Variants in GPC5 observed in about 807,000 individuals in gnomAD.
GPC5 encodes glypican-5.
GPC5 carries 47 observed loss-of-function variants against 53.9 expected under a neutral mutation model. That is an observed-to-expected ratio of 0.87 (90% confidence interval 0.69 to 1.11). The LOEUF (loss-of-function observed/expected upper bound fraction) is 1.11, where lower values mean the gene tolerates loss of function less well. Ranked by LOEUF, GPC5 falls within the 50% of genes most tolerant of loss-of-function variation. The pLI is 0.00. For synonymous variants in GPC5, 286 were observed against 263.3 expected, an observed-to-expected ratio of 1.09 and a Z score of -0.84; for missense variants, 748 against 713.1, an observed-to-expected ratio of 1.05 and a Z score of -0.56.
At chr13:92,200,931 G>A (rs757487662) in intron 7 of GPC5, among the ~76,000 whole-genome samples, 3 of 151,456 alleles carry the variant, frequency 2.0e-5, no homozygotes, top group African/African-American at 4.9e-5. Context: ...AGAATAAATT[G>A]GAGGAGTGTA....
At chr13:92,413,108 G>A (rs1876120705) in intron 7 of GPC5, among the ~76,000 whole-genome samples, 1 of 152,140 alleles carries the variant, frequency 6.6e-6, no homozygotes, top group African/African-American at 2.4e-5. Context: ...TATAGACAAA[G>A]ACGCAGGAAG....
At chr13:91,874,195 A>G (rs1167055475) in intron 5 of GPC5, among the ~76,000 whole-genome samples, 1 of 152,156 alleles carries the variant, frequency 6.6e-6, no homozygotes, top group Admixed American at 6.5e-5. Flanking sequence ...GACTATTAAT[A>G]TGAAGCCCTC....
At chr13:92,455,033 A>G (rs1041971528) in intron 7 of GPC5, among the ~76,000 whole-genome samples, 17 of 152,228 alleles carry the variant, frequency 1.1e-4, no homozygotes, top group South Asian at 6.2e-4. Context: ...TACACATGCT[A>G]TATGTTAAAT....
intron 7 of GPC5, among the ~76,000 whole-genome samples, chr13:92,782,692 G>T (rs1346474126): frequency 6.6e-6 from 1 of 152,010 alleles, no homozygotes; most frequent in East Asian, 1.9e-4. Flanking sequence ...TGCTATCTGT[G>T]AATATAGACT....
chr13:92,481,326 C>A (rs1313169998), intron 7 of GPC5, among the ~76,000 whole-genome samples: 1 of 152,136 alleles, frequency 6.6e-6, no homozygotes, highest in Admixed American at 6.5e-5. Context: ...TGGTCTCGAT[C>A]TCCTGATCTC....
At chr13:92,509,422 T>C (rs1008635729) in intron 7 of GPC5, 4 of 152,206 alleles carry the variant, frequency 2.6e-5, no homozygotes, top group Non-Finnish European at 5.9e-5. Context: ...AGGCTTAGCA[T>C]CACCTCTTGA....
intron 7 of GPC5, among the ~76,000 whole-genome samples, chr13:92,626,625 C>T (rs1476658504): frequency 6.6e-6 from 1 of 152,148 alleles, no homozygotes. Context: ...GCCTCATGTA[C>T]TTTTGCAAGG....
intron 7 of GPC5, among the ~76,000 whole-genome samples, chr13:92,642,838 A>G (rs1175741636): frequency 6.6e-6 from 1 of 152,196 alleles, no homozygotes; most frequent in East Asian, 1.9e-4. Context: ...GCAGTCTGCA[A>G]CAGATGACAG....
chr13:92,548,029 CG>C (rs1466768614), intron 7 of GPC5, among the ~76,000 whole-genome samples: 8 of 146,640 alleles, frequency 5.5e-5, no homozygotes, highest in African/African-American at 2.0e-4. Flanking sequence ...TTAGTAGAGA[CG>C]GGGTTTCACC....
At chr13:91,432,335 G>A (rs1158908916) in intron 1 of GPC5, among the ~76,000 whole-genome samples, 1 of 151,966 alleles carries the variant, frequency 6.6e-6, no homozygotes, top group African/African-American at 2.4e-5. Context: ...TCAAGTTTGA[G>A]AAGATATTCT....
chr13:91,898,211 A>T (rs1369215537), intron 5 of GPC5, among the ~76,000 whole-genome samples: 2 of 152,168 alleles, frequency 1.3e-5, no homozygotes, highest in Non-Finnish European at 2.9e-5. Context: ...AAAGTTTTGA[A>T]ATTGCTGTTG....
intron 7 of GPC5, among the ~76,000 whole-genome samples, chr13:92,197,135 G>C (rs956295253): frequency 3.3e-5 from 5 of 151,940 alleles, no homozygotes; most frequent in African/African-American, 1.2e-4. Flanking sequence ...CCTTTTAAAG[G>C]GTATTCCTAA....
At chr13:92,580,216 G>A (rs1314634347) in intron 7 of GPC5, among the ~76,000 whole-genome samples, 5 of 152,230 alleles carry the variant, frequency 3.3e-5, no homozygotes, top group East Asian at 1.9e-4. Context: ...CTCAAGAATC[G>A]AATGACCCAT....
intron 7 of GPC5, among the ~76,000 whole-genome samples, chr13:92,178,850 A>T (rs1343423443): frequency 6.6e-6 from 1 of 152,070 alleles, no homozygotes; most frequent in Admixed American, 6.6e-5. Context: ...GTGGCCCTGT[A>T]GTCCCAGCTA....
intron 1 of GPC5, among the ~76,000 whole-genome samples, chr13:91,443,516 T>C (rs769130000): frequency 1.3e-4 from 20 of 152,306 alleles, no homozygotes; most frequent in Non-Finnish European, 2.6e-4. Flanking sequence ...TAACACAGCT[T>C]CTGTGTTCTT....
chr13:92,286,382 C>T (rs113060016), intron 7 of GPC5, among the ~76,000 whole-genome samples: 23 of 152,194 alleles, frequency 1.5e-4, no homozygotes, highest in Middle Eastern at 3.4e-3. Context: ...CATCCCATTA[C>T]GGGTATATAC....
intron 7 of GPC5, chr13:92,706,074 G>A (rs1366996055): frequency 6.6e-6 from 1 of 151,984 alleles, no homozygotes; most frequent in Non-Finnish European, 1.5e-5. Flanking sequence ...GTCACAAAAA[G>A]AAAGACTCTG....
At chr13:92,342,150 T>G (rs1322634441) in intron 7 of GPC5, among the ~76,000 whole-genome samples, 1 of 152,146 alleles carries the variant, frequency 6.6e-6, no homozygotes, top group Admixed American at 6.6e-5. Flanking sequence ...GATTCCTAAA[T>G]CAGGCCACAT....
At chr13:92,197,777 A>G (rs9523533) in intron 7 of GPC5, among the ~76,000 whole-genome samples, 20,087 of 151,704 alleles carry the variant, frequency 0.13, 1,472 homozygotes, top group Middle Eastern at 0.18. Flanking sequence ...CAGCCTCCCA[A>G]AGTCCTAGGA....
Sources: gnomAD v4.1 joint callset for allele counts (sites outside exome capture counted in the v4.1 genomes callset) on GRCh38, gnomAD v4.1.1 for gene constraint, MANE v1.5 for transcripts, NCBI Gene and HGNC (gene_info 2026-07-23, HGNC 2026-07-21) for gene names.